The following INPP4B variants were observed in gnomAD, a reference collection of about 807,000 sequenced individuals.
The protein encoded by INPP4B is inositol polyphosphate-4-phosphatase type II B, also known as inositol polyphosphate 4-phosphatase type II.
INPP4B carries 55 observed loss-of-function variants against 122.5 expected under a neutral mutation model. The ratio of observed to expected loss-of-function variants is 0.45; its 90% CI spans 0.36 to 0.56. INPP4B has a LOEUF of 0.56. INPP4B is among the 20% of genes least tolerant of loss of function. The pLI, the probability that INPP4B is intolerant of heterozygous loss-of-function variation, is 0.00. For synonymous variants in INPP4B, 403 were observed against 388.7 expected, an observed-to-expected ratio of 1.04 and a Z score of -0.43; for missense variants, 1,000 against 1,097.7, an observed-to-expected ratio of 0.91 and a Z score of 1.26.
chr4:142,260,576 T>C lies in INPP4B; in HGVS notation c.616-12A>G. 2 of 1,454,246 alleles carry C rather than the reference T, an allele frequency of 1.4e-6. No individual in the cohort carries two copies. Among genetic ancestry groups the C allele is most frequent in the Non-Finnish European group, 1.8e-6 (2 of 1,093,146 alleles). The allele number at this position is 1,454,246 out of a possible 1,614,324, so 90.1% of individuals were successfully genotyped here. ...CATACCAGGGCACACTAGGAAAAAA[T>C]GTAAAAAAAAAAAAAAAATTTTGAG... On this transcript the variant is annotated splice_polypyrimidine_tract_variant and intron_variant, in intron 10 of 25. Coordinates refer to ENST00000262992, the MANE Select transcript of INPP4B (RefSeq NM_001101669.3).
chr4:142,066,497 G>C (rs1025875687), intron 25 of INPP4B, among the ~76,000 whole-genome samples: 2 of 152,180 alleles, frequency 1.3e-5, no homozygotes, highest in African/African-American at 4.8e-5. Context: ...AAGGGCCTGA[G>C]AATGTGCATT....
chr4:142,077,419 T>C (rs182420618), intron 25 of INPP4B, among the ~76,000 whole-genome samples: 1 of 152,136 alleles, frequency 6.6e-6, no homozygotes, highest in East Asian at 1.9e-4. Flanking sequence ...AATGGTATTT[T>C]TGTTTTAATT....
At chr4:142,353,189 A>T (rs1782462077) in intron 7 of INPP4B, among the ~76,000 whole-genome samples, 1 of 152,044 alleles carries the variant, frequency 6.6e-6, no homozygotes. Flanking sequence ...TCATCTTATT[A>T]AAACGTCTAC....
At chr4:142,037,752 G>A (rs1251318480) in intron 25 of INPP4B, among the ~76,000 whole-genome samples, 2 of 152,190 alleles carry the variant, frequency 1.3e-5, no homozygotes, top group East Asian at 3.9e-4. Context: ...CACGTTTCAG[G>A]CCCTAGACTG....
intron 2 of INPP4B, among the ~76,000 whole-genome samples, chr4:142,487,061 G>T (rs77463876): frequency 6.6e-6 from 1 of 152,102 alleles, no homozygotes; most frequent in Non-Finnish European, 1.5e-5. Flanking sequence ...TCACGGGGGT[G>T]GGTCTTTCCT....
intron 9 of INPP4B, chr4:142,287,060 C>G (rs1754058985): frequency 6.6e-6 from 1 of 152,146 alleles, no homozygotes; most frequent in Non-Finnish European, 1.5e-5. Flanking sequence ...GCAGTGTGAG[C>G]TTTCCTATAC....
intron 5 of INPP4B, among the ~76,000 whole-genome samples, chr4:142,421,762 C>T (rs1806949847): frequency 6.6e-6 from 1 of 152,080 alleles, no homozygotes; most frequent in South Asian, 2.1e-4. Context: ...AAGACTTGGT[C>T]CAAATGCCTC....
chr4:142,537,429 T>TATATATATAGAGAG (rs1200701380), intron 2 of INPP4B, among the ~76,000 whole-genome samples: 61 of 25,470 alleles, frequency 2.4e-3, no homozygotes, highest in Non-Finnish European at 4.4e-3. Context: ...TATATATATA[T>TATATATATAGAGAG]AGAGAGAGAG....
chr4:142,693,908 TAA>T (rs1560968833), intron 2 of INPP4B, among the ~76,000 whole-genome samples: 1 of 149,158 alleles, frequency 6.7e-6, no homozygotes, highest in African/African-American at 2.4e-5. Context: ...ACTGGCAAAT[TAA>T]AAATATCACA....
intron 24 of INPP4B, among the ~76,000 whole-genome samples, chr4:142,084,952 G>A (rs938070135): frequency 1.3e-5 from 2 of 152,154 alleles, no homozygotes; most frequent in Admixed American, 1.3e-4. Flanking sequence ...CTACCATTGT[G>A]AAATTTTTGT....
At chr4:142,478,102 T>C (rs951283493) in intron 2 of INPP4B, among the ~76,000 whole-genome samples, 2 of 152,176 alleles carry the variant, frequency 1.3e-5, no homozygotes, top group Non-Finnish European at 2.9e-5. Context: ...ACCTGGCCAA[T>C]TCTACTGATT....
chr4:142,039,367 C>T (rs998605767), intron 25 of INPP4B, among the ~76,000 whole-genome samples: 1 of 152,064 alleles, frequency 6.6e-6, no homozygotes, highest in South Asian at 2.1e-4. Flanking sequence ...ATTAATTTTT[C>T]ACTATCACTT....
intron 2 of INPP4B, among the ~76,000 whole-genome samples, chr4:142,693,125 C>G (rs1449743621): frequency 6.6e-6 from 1 of 151,940 alleles, no homozygotes; most frequent in African/African-American, 2.4e-5. Context: ...TATCTCAGAT[C>G]TAAAATTCTG....
At chr4:142,191,798 A>G (rs765786192) in intron 15 of INPP4B, among the ~76,000 whole-genome samples, 6 of 152,204 alleles carry the variant, frequency 3.9e-5, no homozygotes, top group Non-Finnish European at 7.3e-5. Context: ...ACCAAAAAGC[A>G]AACAAAAATG....
chr4:142,390,037 G>A (rs1341934157), intron 7 of INPP4B, among the ~76,000 whole-genome samples: 1 of 152,042 alleles, frequency 6.6e-6, no homozygotes, highest in African/African-American at 2.4e-5. Flanking sequence ...TTGAACATTG[G>A]AATAAAAACA....
At chr4:142,618,902 T>C (rs573169644) in intron 2 of INPP4B, among the ~76,000 whole-genome samples, 1 of 151,518 alleles carries the variant, frequency 6.6e-6, no homozygotes, top group East Asian at 1.9e-4. Flanking sequence ...AATAAATAAA[T>C]AACAGCCAAA....
chr4:142,635,095 CAT>C (rs1301563248), intron 2 of INPP4B, among the ~76,000 whole-genome samples: 8 of 152,098 alleles, frequency 5.3e-5, no homozygotes, highest in Non-Finnish European at 8.8e-5. Context: ...GGCCAACAAA[CAT>C]ATGGAAAAAA....
chr4:142,260,176 G>T (rs1156447257), intron 11 of INPP4B, among the ~76,000 whole-genome samples: 1 of 152,104 alleles, frequency 6.6e-6, no homozygotes, highest in Admixed American at 6.6e-5. Context: ...AGTAGAGACG[G>T]GGTTTCACCA....
At position 142,355,371 on chromosome 4, in the gene INPP4B, C is replaced by T. The variant is rs188095897; in HGVS notation, c.373-40609G>A. Among the ~76,000 whole-genome samples, 28 of 151,690 alleles carry T rather than the reference C, an allele frequency of 1.8e-4. No individual in the cohort carries two copies. In the East Asian group the frequency reaches 4.9e-3, roughly 26 times the overall value. On this transcript the variant is annotated intron_variant, in intron 7 of 25. Coordinates refer to ENST00000262992, the MANE Select transcript of INPP4B (RefSeq NM_001101669.3). ...GAGATGCAGATTTGCTCTTTTTTTTCCCCCCACCAGAATATGTATTTAAGG... is the reference window on the plus strand; with the variant it reads ...GAGATGCAGATTTGCTCTTTTTTTTTCCCCCACCAGAATATGTATTTAAGG...
Sources: gnomAD v4.1 joint callset for allele counts (sites outside exome capture counted in the v4.1 genomes callset) on GRCh38, gnomAD v4.1.1 for gene constraint, MANE v1.5 for transcripts, NCBI Gene and HGNC (gene_info 2026-07-23, HGNC 2026-07-21) for gene names.